The following SURF4 variants were observed in gnomAD, a reference collection of about 807,000 sequenced individuals.
The protein encoded by SURF4 is surfeit locus protein 4.
SURF4 carries 3 observed loss-of-function variants against 30.0 expected under a neutral mutation model. The ratio of observed to expected loss-of-function variants is 0.10; its 90% confidence interval spans 0.05 to 0.26. The LOEUF is 0.26. SURF4 is among the 10% of genes least tolerant of loss of function. The pLI is 1.00. For missense variants in SURF4, 217 were observed against 350.8 expected (o/e 0.62, Z 3.05); for synonymous variants, 143 against 139.9 (o/e 1.02, Z -0.16).
chr9:133,367,181 TCA>T lies in SURF4; in HGVS notation c.235+76_235+77del. ...ACAGCAGTCCAGGAGACCCCCGAGTTCACACACAGCCTCCCAACTGCTAACGA... is the reference window on the plus strand; with the variant it reads ...ACAGCAGTCCAGGAGACCCCCGAGTTCACACAGCCTCCCAACTGCTAACGA... On this transcript the variant is annotated intron_variant, in intron 2 of 5. Transcript: ENST00000371989. The T allele has an allele frequency of 2.0e-6, 3 of 1,538,104 alleles. No homozygotes were observed. The South Asian group carries it at 3.7e-5, about 19-fold the overall frequency.
rs2130144982 is a variant in SURF4, at chr9:133,367,527, T to A, written c.49-82A>T. On this transcript the variant is annotated intron_variant, in intron 1 of 5. Coordinates refer to ENST00000371989, the MANE Select transcript of SURF4 (RefSeq NM_033161.4). Reference sequence around the variant, plus strand: ...CTGCCAGGCACGTCCTTGGGCGGGGTGTGTGAGGAACAGACGCTGTGGAAG... The same window carrying A: ...CTGCCAGGCACGTCCTTGGGCGGGGAGTGTGAGGAACAGACGCTGTGGAAG... 4 of 1,593,504 alleles carry A rather than the reference T, an allele frequency of 2.5e-6. No individual in the cohort carries two copies. In the East Asian group the frequency reaches 9.0e-5, roughly 36 times the overall value.
Position 133,367,245 on chromosome 9 carries a change from G to C in SURF4, c.235+14C>G. On this transcript the variant is annotated intron_variant, in intron 2 of 5. Coordinates refer to ENST00000371989, the MANE Select transcript of SURF4 (RefSeq NM_033161.4). ...GACGCCCAGTGAATCCTGACCACCC[G>C]CAGAGCCACTCACTCAGCTGTCCCA... is the stretch of plus-strand genomic sequence containing the variant. 1 of 1,612,312 alleles carries C rather than the reference G, an allele frequency of 6.2e-7. No homozygotes were observed. Among genetic ancestry groups the C allele is most frequent in the Non-Finnish European group, 8.5e-7 (1 of 1,178,642 alleles).
intron 1 of SURF4, 23 bp from the exon 2 acceptor site, chr9:133,367,468 G>A (rs2130142826): frequency 3.1e-4 from 506 of 1,611,616 alleles, no homozygotes; most frequent in Admixed American, 8.0e-4. Context: ...AGAAACCCAA[G>A]GGTGAGGTGG....
chr9:133,371,385 G>A (rs1051631598), intron 1 of SURF4, among the ~76,000 whole-genome samples: 11 of 152,150 alleles, frequency 7.2e-5, no homozygotes, highest in South Asian at 4.1e-4. Flanking sequence ...CCCGAGCCCC[G>A]CTCCCATGCT....
intron 5 of SURF4, 129 bp downstream of exon 5, chr9:133,364,711 T>C (rs1034126593): frequency 1.3e-5 from 11 of 843,602 alleles, no homozygotes; most frequent in Admixed American, 3.0e-5. Flanking sequence ...AAAAAAAAGT[T>C]TGCTCCATTT....
upstream of SURF4, chr9:133,376,099 C>G (rs971692148): frequency 1.7e-6 from 2 of 1,203,616 alleles, no homozygotes; most frequent in Non-Finnish European, 2.1e-6. Flanking sequence ...GCTGCGGCTC[C>G]AGCGGCTGCC....
chr9:133,367,568 A>G (rs943483466), intron 1 of SURF4, 123 bp from the exon 2 acceptor site: 2 of 1,546,870 alleles, frequency 1.3e-6, no homozygotes, highest in East Asian at 2.4e-5. Flanking sequence ...AGCTCTTGTC[A>G]GCCCCGGTGC....
At chr9:133,370,903 T>C in intron 1 of SURF4, 2 of 1,289,634 alleles carry the variant, frequency 1.6e-6, no homozygotes, top group South Asian at 1.2e-5. Context: ...TCATTAAGTC[T>C]CTCCGAGAAC....
upstream of SURF4, chr9:133,376,531 T>C: frequency 1.2e-6 from 2 of 1,600,532 alleles, no homozygotes; most frequent in Non-Finnish European, 8.5e-7. Context: ...AGGCCCAGGG[T>C]CCCCCGGAGA....
intron 1 of SURF4, among the ~76,000 whole-genome samples, 185 bp downstream of exon 1, chr9:133,375,737 G>A (rs1482192085): frequency 6.6e-6 from 1 of 152,092 alleles, no homozygotes; most frequent in Non-Finnish European, 1.5e-5. Flanking sequence ...GGGGAGACTG[G>A]GCCCGGAGGC....
intron 5 of SURF4, 107 bp downstream of exon 5, chr9:133,364,733 C>A: frequency 8.8e-7 from 1 of 1,135,490 alleles, no homozygotes; most frequent in East Asian, 2.5e-5. Flanking sequence ...AGCAGCTCCC[C>A]CAGGCTGTGG....
At chr9:133,374,454 G>A (rs2130224160) in intron 1 of SURF4, among the ~76,000 whole-genome samples, 7 of 152,006 alleles carry the variant, frequency 4.6e-5, no homozygotes, top group South Asian at 2.1e-4. Flanking sequence ...CCAGCTACTC[G>A]GGAGGCTGAG....
At chr9:133,371,956 G>A (rs1199522598) in intron 1 of SURF4, among the ~76,000 whole-genome samples, 1 of 152,214 alleles carries the variant, frequency 6.6e-6, no homozygotes, top group East Asian at 1.9e-4. Context: ...TGTCACCTTG[G>A]TGATGAGCCA....
chr9:133,373,502 C>G (rs1383412593), intron 1 of SURF4, among the ~76,000 whole-genome samples: 1 of 151,782 alleles, frequency 6.6e-6, no homozygotes, highest in Non-Finnish European at 1.5e-5. Flanking sequence ...ACTGAGGAGG[C>G]TGAGGCAGGA....
At chr9:133,368,946 GGGCTGACTAAACCTACTGTT>G in intron 1 of SURF4, among the ~76,000 whole-genome samples, 1 of 152,218 alleles carries the variant, frequency 6.6e-6, no homozygotes, top group South Asian at 2.1e-4. Context: ...AGGCCTCCTA[GGGCTGACTAAACCTACTGTT>G]GGAACAAAGG....
upstream of SURF4, chr9:133,376,281 C>A (rs2130246533): frequency 2.1e-3 from 2,726 of 1,317,704 alleles, 38 homozygotes; most frequent in African/African-American, 0.031. Context: ...GCAGGCCCTG[C>A]GGTCCCTCCC....
chr9:133,375,867 G>A (rs1392455468), intron 1 of SURF4, 55 bp downstream of exon 1: 23 of 1,214,154 alleles, frequency 1.9e-5, no homozygotes, highest in East Asian at 1.0e-4. Flanking sequence ...ACTCCGGAGC[G>A]GCCCGGGCGG....
In SURF4 at chr9:133,375,982, AGGCTC is replaced by A. The variant is rs2130243883; in HGVS notation, c.-18_-14del. 3 of 1,227,390 alleles carry A rather than the reference AGGCTC, an allele frequency of 2.4e-6. No individual in the cohort carries two copies. Among genetic ancestry groups the A allele is most frequent in the Non-Finnish European group, 3.1e-6 (3 of 981,766 alleles). The allele number at this position is 1,227,390 out of a possible 1,614,324, so 76.0% of individuals were successfully genotyped here. On this transcript the variant is annotated 5_prime_UTR_variant, in exon 1 of 6. Transcript: ENST00000371989. Reference sequence around the variant, plus strand: ...CGTTCTGGCCCATGGCGACGGCGGGAGGCTCGGCTCGGCTCGCTCGCTCGCTCGCT... The same window carrying A: ...CGTTCTGGCCCATGGCGACGGCGGGAGGCTCGGCTCGCTCGCTCGCTCGCT...
rs2130244709 is a variant in SURF4, at chr9:133,376,060, T to C, written c.-91A>G. 7 of 1,204,654 alleles carry C rather than the reference T, an allele frequency of 5.8e-6. No individual in the cohort carries two copies. Among genetic ancestry groups the C allele is most frequent in the East Asian group, 3.4e-5 (1 of 29,096 alleles). The allele number at this position is 1,204,654 out of a possible 1,614,324, so 74.6% of individuals were successfully genotyped here. On this transcript the variant is annotated 5_prime_UTR_variant, in exon 1 of 6. Transcript: ENST00000371989. ...CACCCGCTGCGGCCTCCACAGGAAGTGCCCGGCGGCCGGCCTCGCTCCGCG... is the reference window on the plus strand; with the variant it reads ...CACCCGCTGCGGCCTCCACAGGAAGCGCCCGGCGGCCGGCCTCGCTCCGCG...
Sources: allele counts gnomAD v4.1 joint callset (sites outside exome capture counted in the v4.1 genomes callset), GRCh38; gene constraint gnomAD v4.1.1; transcripts MANE v1.5; gene names NCBI Gene and HGNC (gene_info 2026-07-23, HGNC 2026-07-21).